SLC22A23: variants seen among roughly 807,000 people sequenced by gnomAD.
The protein encoded by SLC22A23 is ion transporter protein.
SLC22A23 carries 26 observed loss-of-function variants against 61.0 expected under a neutral mutation model. The observed-to-expected ratio is 0.43, with a 90% CI of 0.31 to 0.59. The LOEUF is 0.59. Ranked by LOEUF, SLC22A23 falls within the 20% of genes least tolerant of loss-of-function variation. SLC22A23 has a pLI of 0.11. For synonymous variants in SLC22A23, 430 were observed against 413.9 expected (o/e 1.04, Z -0.47); for missense variants, 796 against 934.7 (o/e 0.85, Z 1.94).
chr6:3,361,346 A>G (rs1250745565), intron 3 of SLC22A23, among the ~76,000 whole-genome samples: 1 of 148,246 alleles, frequency 6.7e-6, no homozygotes, highest in Non-Finnish European at 1.5e-5. Context: ...TGTGGCCATG[A>G]CCGTTCATCC....
intron 3 of SLC22A23, among the ~76,000 whole-genome samples, chr6:3,385,494 C>T (rs926947635): frequency 4.0e-5 from 6 of 151,582 alleles, no homozygotes; most frequent in East Asian, 3.9e-4. Flanking sequence ...CTAGCCTGGG[C>T]GACAGAGCAG....
At chr6:3,449,794 C>T (rs1311179294) in intron 1 of SLC22A23, among the ~76,000 whole-genome samples, 1 of 152,214 alleles carries the variant, frequency 6.6e-6, no homozygotes, top group African/African-American at 2.4e-5. Flanking sequence ...CTTTCACCCT[C>T]CCACTTCTAA....
At chr6:3,340,942 G>A (rs866692143) in intron 3 of SLC22A23, among the ~76,000 whole-genome samples, 2 of 152,158 alleles carry the variant, frequency 1.3e-5, no homozygotes, top group African/African-American at 4.8e-5. Flanking sequence ...AGGAGGGGCC[G>A]GTCTCTCATG....
At chr6:3,285,390 A>G (rs541921337) in intron 7 of SLC22A23, among the ~76,000 whole-genome samples, 1 of 152,384 alleles carries the variant, frequency 6.6e-6, no homozygotes, top group African/African-American at 2.4e-5. Flanking sequence ...CAGCAGGTGC[A>G]AAGGGTGAGC....
chr6:3,408,179 G>T (rs773758890), intron 3 of SLC22A23, among the ~76,000 whole-genome samples: 3 of 152,244 alleles, frequency 2.0e-5, no homozygotes, highest in Non-Finnish European at 4.4e-5. Flanking sequence ...AAGTTTGCCA[G>T]TGTCTGGGTT....
chr6:3,384,462 G>A lies in SLC22A23; in HGVS notation c.913+25726C>T, dbSNP rs142149052. On this transcript the variant is annotated intron_variant, in intron 3 of 9. Transcript: ENST00000406686. ...ATCACTTAAAAAACACATTTTCCTG[G>A]TGGCAAGAATAAACATGGAGGTAGA... is the stretch of plus-strand genomic sequence containing the variant. Among the ~76,000 whole-genome samples, 121 of 152,160 alleles carry A rather than the reference G, an allele frequency of 8.0e-4. 1 individual carries two copies. Among genetic ancestry groups the A allele is most frequent in the African/African-American group, 2.9e-3 (120 of 41,494 alleles).
At chr6:3,338,032 A>G (rs929738553) in intron 3 of SLC22A23, among the ~76,000 whole-genome samples, 4 of 152,146 alleles carry the variant, frequency 2.6e-5, no homozygotes, top group Non-Finnish European at 4.4e-5. Context: ...ATGACTCACC[A>G]CTGGGGACAC....
intron 3 of SLC22A23, among the ~76,000 whole-genome samples, chr6:3,363,900 G>A (rs959370519): frequency 1.3e-5 from 2 of 152,218 alleles, no homozygotes; most frequent in Non-Finnish European, 2.9e-5. Flanking sequence ...CCAGGGACTG[G>A]CTGACCCTCA....
At chr6:3,294,948 G>A (rs79725841) in intron 5 of SLC22A23, among the ~76,000 whole-genome samples, 4,272 of 152,314 alleles carry the variant, frequency 0.028, 141 homozygotes, top group African/African-American at 0.079. Context: ...ACCCCTACAC[G>A]TACCTCCAGC....
chr6:3,325,904 G>A (rs753654779), intron 3 of SLC22A23, among the ~76,000 whole-genome samples: 13 of 152,226 alleles, frequency 8.5e-5, no homozygotes, highest in Non-Finnish European at 1.5e-4. Flanking sequence ...TGATGGCGTC[G>A]TATCAGTGGT....
At chr6:3,362,579 T>C (rs1765548041) in intron 3 of SLC22A23, among the ~76,000 whole-genome samples, 3 of 151,990 alleles carry the variant, frequency 2.0e-5, no homozygotes, top group Non-Finnish European at 4.4e-5. Context: ...TTGAGATTAA[T>C]GAGCACAGCA....
intron 3 of SLC22A23, among the ~76,000 whole-genome samples, chr6:3,379,737 C>T (rs748021754): frequency 5.9e-5 from 9 of 152,024 alleles, no homozygotes; most frequent in African/African-American, 2.2e-4. Context: ...CATGTGCTTA[C>T]GTAGAAACTT....
chr6:3,330,326 T>C lies in SLC22A23; in HGVS notation c.914-6324A>G, dbSNP rs763182499. ...CACCAACCTGGTTCAGGCTTGGCCC[T>C]AAGCTGCTGACACCCACCTGGAGAC... On this transcript the variant is annotated intron_variant, in intron 3 of 9. Transcript: ENST00000406686. This position sits in a 1 kb window ranked among gnomAD's most constrained non-coding sequence, Gnocchi z 4.7. 3.2e-4 allele frequency among the ~76,000 whole-genome samples: 48 copies of C among 152,202 alleles called. No individual in the cohort carries two copies. The highest frequency in any genetic ancestry group is 5.6e-4 in the Non-Finnish European group (38 of 68,030).
At chr6:3,395,299 A>G (rs1384778664) in intron 3 of SLC22A23, among the ~76,000 whole-genome samples, 1 of 152,156 alleles carries the variant, frequency 6.6e-6, no homozygotes, top group African/African-American at 2.4e-5. Flanking sequence ...GGCTGCACAA[A>G]TGCAGGTCTA....
rs76714428 is a variant in SLC22A23 at position 3,400,179 on chromosome 6, A to T, written c.913+10009T>A. On this transcript the variant is annotated intron_variant, in intron 3 of 9. Coordinates refer to ENST00000406686, the MANE Select transcript of SLC22A23 (RefSeq NM_015482.2). ...AGGCATGAGCCACCGCGCCCCGCCC[A>T]TGATTGCATTTTAAAATGAATTTTA... Among the ~76,000 whole-genome samples the T allele has an allele frequency of 2.0e-5, 3 of 152,160 alleles. No individual in the cohort carries two copies. The South Asian group carries it at 6.2e-4, about 31-fold the overall frequency.
intron 1 of SLC22A23, among the ~76,000 whole-genome samples, chr6:3,448,579 C>T (rs183549576): frequency 5.7e-4 from 87 of 152,136 alleles, no homozygotes; most frequent in African/African-American, 1.8e-3. Flanking sequence ...CTGCAAGCTC[C>T]GCCTCCCGAG....
At chr6:3,289,982 T>A (rs1760424142) in intron 5 of SLC22A23, 116 bp from the exon 6 acceptor site, 2 of 88,904 alleles carry the variant, frequency 2.2e-5, no homozygotes, top group South Asian at 3.7e-4. Flanking sequence ...AGAGAGAAGC[T>A]TTTTTTTTTT....
Position 3,364,278 on chromosome 6 carries a change from C to T in SLC22A23, c.914-40276G>A, listed in dbSNP as rs114259987. Among the ~76,000 whole-genome samples, 1,146 of 152,190 alleles carry T rather than the reference C, an allele frequency of 7.5e-3. 15 individuals carry two copies. Among genetic ancestry groups the T allele is most frequent in the African/African-American group, 0.026 (1,061 of 41,516 alleles). ...TGCAGGTGAGTGCATTCGATTTTCA[C>T]GGCAACTAGGTAAGATGTAATAGGC... On this transcript the variant is annotated intron_variant, in intron 3 of 9. Coordinates refer to ENST00000406686, the MANE Select transcript of SLC22A23 (RefSeq NM_015482.2).
rs370123128 is a variant in SLC22A23 at position 3,285,120 on chromosome 6, G to A, written c.1547-9C>T. On this transcript the variant is annotated splice_polypyrimidine_tract_variant and intron_variant, in intron 7 of 9. Coordinates refer to ENST00000406686, the MANE Select transcript of SLC22A23 (RefSeq NM_015482.2). ...GCTGTACTTTCCAATCACTGGACCC[G>A]CAGACATGATCGCACCCACACGGAC... 56 of 1,613,088 alleles carry A rather than the reference G, an allele frequency of 3.5e-5. No homozygotes were observed. The Middle Eastern group carries it at 6.6e-4, about 19-fold the overall frequency.
Sources: gnomAD v4.1 joint callset for allele counts (sites outside exome capture counted in the v4.1 genomes callset) on GRCh38, gnomAD v4.1.1 for gene constraint, Gnocchi (gnomAD v3.1) non-coding constraint, MANE v1.5 for transcripts, NCBI Gene and HGNC (gene_info 2026-07-23, HGNC 2026-07-21) for gene names.